ABCA13: variants seen among roughly 807,000 people sequenced by gnomAD.
ABCA13 encodes ATP binding cassette subfamily A member 13, also known as ATP-binding cassette sub-family A member 13.
A neutral mutation model predicts 478.7 loss-of-function variants in ABCA13; 476 were observed. The observed-to-expected ratio is 0.99, with a 90% CI of 0.92 to 1.07. The LOEUF is 1.07. Among genes scored for constraint, ABCA13 ranks in the 50% least tolerant of loss-of-function variants. The probability of loss-of-function intolerance (pLI) is 0.00; values close to 1 mark genes in which losing one functional copy is unlikely to be tolerated. For missense variants in ABCA13, 6,060 were observed against 5,910.6 expected, an observed-to-expected ratio of 1.03 and a Z score of -0.83; for synonymous variants, 2,252 against 2,158.9, an observed-to-expected ratio of 1.04 and a Z score of -1.20.
At chr7:48,339,463 C>G (rs761724794) in intron 29 of ABCA13, among the ~76,000 whole-genome samples, 1 of 152,150 alleles carries the variant, frequency 6.6e-6, no homozygotes, top group African/African-American at 2.4e-5. Context: ...GAGAGATTTC[C>G]TGTGTGGAAC....
chr7:48,507,202 CGATG>C (rs1563367445), intron 49 of ABCA13, among the ~76,000 whole-genome samples: 1 of 152,108 alleles, frequency 6.6e-6, no homozygotes, highest in African/African-American at 2.4e-5. Flanking sequence ...GAATGCGACA[CGATG>C]GAGCAGAAGG....
intron 16 of ABCA13, among the ~76,000 whole-genome samples, chr7:48,270,102 A>T (rs1300879437): frequency 6.6e-6 from 1 of 152,176 alleles, no homozygotes; most frequent in Non-Finnish European, 1.5e-5. Flanking sequence ...CATCATGGAT[A>T]GTGGTAGATA....
At chr7:48,239,566 C>T (rs2129011110) in intron 9 of ABCA13, among the ~76,000 whole-genome samples, 161 bp downstream of exon 9, 1 of 152,346 alleles carries the variant, frequency 6.6e-6, no homozygotes, top group East Asian at 1.9e-4. Context: ...GCACCTTGTC[C>T]CATGTGCATC....
At chr7:48,329,082 A>G (rs937266990) in intron 27 of ABCA13, among the ~76,000 whole-genome samples, 5 of 152,238 alleles carry the variant, frequency 3.3e-5, no homozygotes, top group Non-Finnish European at 1.5e-5. Context: ...TCAATACAGA[A>G]TTAATTGAAT....
intron 16 of ABCA13, among the ~76,000 whole-genome samples, chr7:48,270,419 A>G (rs989035679): frequency 6.6e-6 from 1 of 152,106 alleles, no homozygotes; most frequent in Non-Finnish European, 1.5e-5. Flanking sequence ...TTCTACTTCA[A>G]TTTATTATTC....
chr7:48,288,399 A>G (rs1038981113), intron 20 of ABCA13, among the ~76,000 whole-genome samples: 2 of 152,264 alleles, frequency 1.3e-5, no homozygotes, highest in Admixed American at 6.5e-5. Flanking sequence ...AAATCATGTT[A>G]GAAACACAAG....
intron 30 of ABCA13, among the ~76,000 whole-genome samples, chr7:48,351,085 C>T (rs1584964592): frequency 6.6e-6 from 1 of 152,352 alleles, no homozygotes; most frequent in East Asian, 1.9e-4. Context: ...CTATTTACTG[C>T]ATCTGCTTTT....
intron 3 of ABCA13, among the ~76,000 whole-genome samples, chr7:48,200,725 C>T (rs1477264685): frequency 6.6e-6 from 1 of 152,118 alleles, no homozygotes; most frequent in Non-Finnish European, 1.5e-5. Context: ...TCAGTAGGGC[C>T]TCTGGTTTCA....
rs148509806 is a variant in ABCA13 at position 48,284,874 on chromosome 7, A to G, written c.8837-3086A>G. ...TAAAGGGATGGGGTGGAATTGACCAATGTGGGCAAATAGCCCCTCCTCTCC... is the reference window on the plus strand; with the variant it reads ...TAAAGGGATGGGGTGGAATTGACCAGTGTGGGCAAATAGCCCCTCCTCTCC... On this transcript the variant is annotated intron_variant, in intron 19 of 61. Transcript: ENST00000435803. Among the ~76,000 whole-genome samples the G allele has an allele frequency of 2.0e-5, 3 of 152,334 alleles. No individual in the cohort carries two copies. The East Asian group carries it at 5.8e-4, about 29-fold the overall frequency.
intron 41 of ABCA13, among the ~76,000 whole-genome samples, chr7:48,413,975 A>T (rs1048178090): frequency 6.6e-6 from 1 of 152,268 alleles, no homozygotes. Context: ...AAGTTCTCTA[A>T]ATTAGCCCAT....
chr7:48,338,938 G>T (rs1584918123), intron 29 of ABCA13, among the ~76,000 whole-genome samples: 2 of 152,194 alleles, frequency 1.3e-5, no homozygotes, highest in African/African-American at 2.4e-5. Flanking sequence ...AGGAGAGCCA[G>T]TTCCATGAAA....
At chr7:48,277,495 C>G (rs1050858035) in intron 17 of ABCA13, among the ~76,000 whole-genome samples, 2 of 152,164 alleles carry the variant, frequency 1.3e-5, no homozygotes, top group African/African-American at 2.4e-5. Flanking sequence ...CTCTTTATAG[C>G]AACACCTAGG....
chr7:48,376,553 C>T lies in ABCA13; in HGVS notation c.11316C>T (p.Tyr3772=), dbSNP rs775903132. The T allele has an allele frequency of 9.9e-6, 16 of 1,613,508 alleles. No homozygotes were observed. The highest frequency in any genetic ancestry group is 1.2e-5 in the Non-Finnish European group (14 of 1,179,764). ...DSSLYFLCGW[Y]LSNLIPGTFG... is the part of the protein sequence containing the mutation. Reference sequence around the variant, plus strand: ...GCCTTTATTTTTTGTGTGGATGGTACTTGAGCAACTTGATTCCTGGTAAGA... The same window carrying T: ...GCCTTTATTTTTTGTGTGGATGGTATTTGAGCAACTTGATTCCTGGTAAGA... The change falls in exon 35 of 62, where the codon TAC becomes TAT. Residue 3772 remains tyrosine, a synonymous_variant. Coordinates refer to ENST00000435803, the MANE Select transcript of ABCA13 (RefSeq NM_152701.5).
At chr7:48,565,214 CT>C (rs10559411) in intron 55 of ABCA13, among the ~76,000 whole-genome samples, 41,644 of 112,964 alleles carry the variant, frequency 0.37, 5,760 homozygotes, top group East Asian at 0.45. Flanking sequence ...ATTTAATGAG[CT>C]TTTTTTTTTT....
chr7:48,492,596 T>G (rs987947209), intron 48 of ABCA13, among the ~76,000 whole-genome samples: 3 of 152,164 alleles, frequency 2.0e-5, no homozygotes, highest in African/African-American at 4.8e-5. Context: ...GAGAGGTGCT[T>G]GGGTCATGAG....
intron 20 of ABCA13, among the ~76,000 whole-genome samples, chr7:48,294,215 C>T (rs982347731): frequency 3.9e-5 from 6 of 151,978 alleles, no homozygotes; most frequent in Admixed American, 1.3e-4. Context: ...CTTTGTGTGT[C>T]GTGCGTGTGT....
chr7:48,506,319 C>T lies in ABCA13; in HGVS notation c.13292-17C>T, dbSNP rs764597133. ...AGGAGCAGGCTGAAGGCTCACTTTTCAATTTGTCTTTCACAGGAATAACAC... is the reference window on the plus strand; with the variant it reads ...AGGAGCAGGCTGAAGGCTCACTTTTTAATTTGTCTTTCACAGGAATAACAC... On this transcript the variant is annotated splice_polypyrimidine_tract_variant and intron_variant, in intron 48 of 61. Transcript: ENST00000435803. 1.2e-6 allele frequency: 2 copies of T among 1,613,432 alleles called. No homozygotes were observed. The highest frequency in any genetic ancestry group is 4.5e-5 in the East Asian group (2 of 44,844).
rs1310546279 is a variant in ABCA13 at position 48,246,047 on chromosome 7, C to T, written c.1659+17C>T. ...GAGGATGCTGTAAGTATTCTACCAT[C>T]TTAGCTCTTCTAAGGGCACAAATTT... is the stretch of plus-strand genomic sequence containing the variant. On this transcript the variant is annotated intron_variant, in intron 13 of 61. Coordinates refer to ENST00000435803, the MANE Select transcript of ABCA13 (RefSeq NM_152701.5). 1.2e-6 allele frequency: 2 copies of T among 1,607,402 alleles called. No individual in the cohort carries two copies. Among genetic ancestry groups the T allele is most frequent in the South Asian group, 1.1e-5 (1 of 89,818 alleles).
intron 58 of ABCA13, among the ~76,000 whole-genome samples, chr7:48,595,424 TG>T (rs1225044820): frequency 1.3e-5 from 2 of 152,238 alleles, no homozygotes; most frequent in African/African-American, 2.4e-5. Context: ...CAGGCTTTAA[TG>T]TTTAGACTTG....
Sources: gnomAD v4.1 joint callset for allele counts (sites outside exome capture counted in the v4.1 genomes callset) on GRCh38, gnomAD v4.1.1 for gene constraint, MANE v1.5 for transcripts, NCBI Gene and HGNC (gene_info 2026-07-23, HGNC 2026-07-21) for gene names.